Variants in GUCY2F observed in about 807,000 individuals in gnomAD.
The protein encoded by GUCY2F is retinal guanylyl cyclase 2.
In GUCY2F, 61 loss-of-function variants were observed where a neutral mutation model predicts 73.1. That is an observed-to-expected ratio of 0.83 (90% CI 0.68 to 1.03). The LOEUF is 1.03. Ranked by LOEUF, GUCY2F falls within the 50% of genes least tolerant of loss-of-function variation. GUCY2F has a pLI of 0.00. For missense variants in GUCY2F, 912 were observed against 854.3 expected (o/e 1.07, Z -0.84); for synonymous variants, 331 against 307.8 (o/e 1.08, Z -0.79).
intron 1 of GUCY2F, among the ~76,000 whole-genome samples, chrX:109,480,357 T>C (rs974976006): frequency 1.8e-5 from 2 of 111,752 alleles, no homozygotes; most frequent in African/African-American, 6.5e-5. Flanking sequence ...TCTTAAGGGC[T>C]GGGGAGAAGT....
chrX:109,422,736 C>T (rs146210391), intron 8 of GUCY2F, among the ~76,000 whole-genome samples: 2,754 of 110,962 alleles, frequency 0.025, 57 homozygotes, highest in Middle Eastern at 0.057. Context: ...ATTCTTTAAC[C>T]GAGAAATTCC....
intron 8 of GUCY2F, among the ~76,000 whole-genome samples, chrX:109,413,977 G>A (rs967731848): frequency 4.7e-5 from 5 of 106,422 alleles, no homozygotes; most frequent in Admixed American, 9.9e-5. Context: ...GCAGAGTCTC[G>A]CTCTCGCTCT....
intron 14 of GUCY2F, among the ~76,000 whole-genome samples, 179 bp downstream of exon 14, chrX:109,391,732 C>T (rs1162225232): frequency 8.9e-6 from 1 of 111,935 alleles, no homozygotes; most frequent in Non-Finnish European, 1.9e-5. Flanking sequence ...TGGGAAATTA[C>T]ATGCATTCTA....
intron 17 of GUCY2F, among the ~76,000 whole-genome samples, chrX:109,379,096 A>T (rs1020832480): frequency 5.3e-5 from 6 of 112,568 alleles, no homozygotes; most frequent in African/African-American, 1.9e-4. Flanking sequence ...GGAATTGAAG[A>T]ATATTTGCTA....
At chrX:109,431,517 T>G (rs1603382772) in intron 7 of GUCY2F, among the ~76,000 whole-genome samples, 1 of 108,491 alleles carries the variant, frequency 9.2e-6, no homozygotes, top group South Asian at 4.1e-4. Flanking sequence ...GCTAACATGG[T>G]GAAACCTCGT....
At position 109,388,469 on chromosome X, in the gene GUCY2F, T is replaced by C. The variant is rs1930487130; in HGVS notation, c.2956+20A>G. 1 of 1,153,305 alleles carries C rather than the reference T, an allele frequency of 8.7e-7. No homozygotes were observed. Among genetic ancestry groups the C allele is most frequent in the Non-Finnish European group, 1.2e-6 (1 of 845,714 alleles). On this transcript the variant is annotated intron_variant, in intron 15 of 19. Coordinates refer to ENST00000218006, the MANE Select transcript of GUCY2F (RefSeq NM_001522.3). The stretch of plus-strand genomic sequence containing the variant: ...TAGAGGCGCATTAGAATGTTTCCTC[T>C]TACTTTAACTGGTTATTACCTGAGT...
intron 3 of GUCY2F, among the ~76,000 whole-genome samples, chrX:109,461,083 G>T (rs1603385360): frequency 9.0e-6 from 1 of 111,370 alleles, no homozygotes; most frequent in East Asian, 2.8e-4. Flanking sequence ...CTATAAATTG[G>T]GACATAACCA....
intron 9 of GUCY2F, among the ~76,000 whole-genome samples, chrX:109,408,003 G>A (rs1196089108): frequency 2.7e-5 from 3 of 112,259 alleles, no homozygotes; most frequent in African/African-American, 9.7e-5. Flanking sequence ...GCTGTGAGAA[G>A]AGGGCCACCA....
At chrX:109,436,924 T>A (rs1287302632) in intron 7 of GUCY2F, among the ~76,000 whole-genome samples, 3 of 103,116 alleles carry the variant, frequency 2.9e-5, no homozygotes, top group Non-Finnish European at 6.0e-5. Flanking sequence ...ACCCTAAAAC[T>A]TAAAGTATAA....
At chrX:109,443,318 AT>A (rs1184992816) in intron 6 of GUCY2F, among the ~76,000 whole-genome samples, 1 of 111,224 alleles carries the variant, frequency 9.0e-6, no homozygotes, top group Non-Finnish European at 1.9e-5. Flanking sequence ...ATTTTTTTTT[AT>A]TTACAAAAGA....
chrX:109,465,009 T>A, intron 3 of GUCY2F, 133 bp downstream of exon 3: 2 of 475,211 alleles, frequency 4.2e-6, no homozygotes, highest in Non-Finnish European at 7.3e-6. Context: ...AAACTAAAGA[T>A]GTTTTTAATT....
At chrX:109,474,292 T>C (rs1932634920) in intron 2 of GUCY2F, among the ~76,000 whole-genome samples, 1 of 111,609 alleles carries the variant, frequency 9.0e-6, no homozygotes, top group Non-Finnish European at 1.9e-5. Flanking sequence ...GTGGCTGCAG[T>C]GGGGGAATGA....
rs1183932207 is a variant in GUCY2F at position 109,409,147 on chromosome X, T to G, written c.1813A>C (p.Asn605His). 8.9e-7 allele frequency: 1 copy of G among 1,123,347 alleles called. No individual in the cohort carries two copies. Among genetic ancestry groups the G allele is most frequent in the South Asian group, 1.8e-5 (1 of 54,294 alleles). The allele number at this position is 1,123,347 out of a possible 1,213,427, so 92.6% of individuals were successfully genotyped here. ...AAGAAACCCAATAAAGGGTTAATAT[T>G]CTCATGACGCAAGTCCTTCATCTGG... ...FEMMKDLRHE[N>H]INPLLGFFYD... is the part of the protein sequence containing the mutation. The change falls in exon 9 of 20, where the codon AAT becomes CAT. Residue 605 changes from asparagine (N) to histidine (H), a missense_variant. Coordinates refer to ENST00000218006, the MANE Select transcript of GUCY2F (RefSeq NM_001522.3).
At position 109,475,275 on chromosome X, in the gene GUCY2F, G is replaced by A. The variant is rs535272524; in HGVS notation, c.662C>T (p.Thr221Ile). The A allele has an allele frequency of 3.3e-6, 4 of 1,209,369 alleles. No individual in the cohort carries two copies. Among genetic ancestry groups the A allele is most frequent in the African/African-American group, 3.5e-5 (2 of 57,733 alleles). Reference sequence around the variant, plus strand: ...CATGCTTTGGCTGTCTTGTCCTGTGGTCAGGACGACCCCTACAGGTAAGCC... The same window carrying A: ...CATGCTTTGGCTGTCTTGTCCTGTGATCAGGACGACCCCTACAGGTAAGCC... ...SHGLPVGVVL[T>I]TGQDSQSMRK... is the part of the protein sequence containing the mutation. The change falls in exon 2 of 20, where the codon ACC (threonine) becomes ATC (isoleucine). Residue 221 changes from threonine to isoleucine, a missense_variant. Transcript: ENST00000218006.
Position 109,375,975 on chromosome X carries a change from T to C in GUCY2F, c.3251A>G (p.His1084Arg). Reference sequence around the variant, plus strand: ...TGCAATCTCCACTGGTTGCAGGCCATGGCCCACTTGCCTGCAGGGCAGGGG... The same window carrying C: ...TGCAATCTCCACTGGTTGCAGGCCACGGCCCACTTGCCTGCAGGGCAGGGG... ...PPVDKDGQVG[H>R]GLQPVEIAAF... The change falls in exon 19 of 20, where the codon CAT (histidine) becomes CGT (arginine). Residue 1084 changes from histidine to arginine, a missense_variant. Physicochemically the swap from His to Arg is conservative, Grantham distance 29 (BLOSUM62 0). Coordinates refer to ENST00000218006, the MANE Select transcript of GUCY2F (RefSeq NM_001522.3). 4 of 1,204,775 alleles carry C rather than the reference T, an allele frequency of 3.3e-6. No individual in the cohort carries two copies. The highest frequency in any genetic ancestry group is 4.5e-6 in the Non-Finnish European group (4 of 888,765).
intron 7 of GUCY2F, among the ~76,000 whole-genome samples, chrX:109,430,834 C>A (rs1285775284): frequency 2.7e-5 from 3 of 111,605 alleles, no homozygotes. Flanking sequence ...TGTAGTGCAG[C>A]AAATGTTTCC....
intron 11 of GUCY2F, 94 bp from the exon 12 acceptor site, chrX:109,395,583 G>T: frequency 1.4e-6 from 1 of 707,697 alleles, no homozygotes; most frequent in Non-Finnish European, 2.2e-6. Context: ...GAAGGGGGTA[G>T]GTTAGGAGAT....
chrX:109,377,482 T>G (rs1436472534), intron 17 of GUCY2F, among the ~76,000 whole-genome samples: 2 of 112,069 alleles, frequency 1.8e-5, no homozygotes, highest in Non-Finnish European at 3.8e-5. Flanking sequence ...CATTAGGCCA[T>G]GTTATAGGTT....
rs149397498 is a variant in GUCY2F at position 109,451,934 on chromosome X, T to C, written c.1472+89A>G. ...TCAGTGGGTCATGTAATGAGGCAAT[T>C]GTACCGAAACAGGACTTCCTGGAAA... is the stretch of plus-strand genomic sequence containing the variant. On this transcript the variant is annotated intron_variant, in intron 5 of 19. Coordinates refer to ENST00000218006, the MANE Select transcript of GUCY2F (RefSeq NM_001522.3). 1,155 of 556,322 alleles carry C rather than the reference T, an allele frequency of 2.1e-3. 6 individuals carry two copies. In the African/African-American group the frequency reaches 0.023, roughly 11 times the overall value. The allele number at this position is 556,322 out of a possible 1,213,427, so 45.8% of individuals were successfully genotyped here.
Sources: allele counts gnomAD v4.1 joint callset (sites outside exome capture counted in the v4.1 genomes callset), GRCh38; gene constraint gnomAD v4.1.1; transcripts MANE v1.5; gene names NCBI Gene and HGNC (gene_info 2026-07-23, HGNC 2026-07-21).